The following WNK1 variants were observed in gnomAD, a reference collection of about 807,000 sequenced individuals.
WNK1 encodes WNK lysine deficient protein kinase 1.
In WNK1, 38 loss-of-function variants were observed where a neutral mutation model predicts 222.8. The ratio of observed to expected loss-of-function variants is 0.17; its 90% CI spans 0.13 to 0.22. The LOEUF (loss-of-function observed/expected upper bound fraction) is 0.22. Ranked by LOEUF, WNK1 falls within the 10% of genes least tolerant of loss-of-function variation. WNK1 has a pLI of 1.00. For missense variants in WNK1, 2,348 were observed against 2,918.4 expected (o/e 0.80, Z 4.50); for synonymous variants, 1,090 against 1,092.9 (o/e 1.00, Z 0.05).
chr12:844,822 T>C (rs1949900779), intron 4 of WNK1, among the ~76,000 whole-genome samples: 1 of 151,560 alleles, frequency 6.6e-6, no homozygotes, highest in Non-Finnish European at 1.5e-5. Context: ...GATAATATAA[T>C]TTATATAATT....
At chr12:817,771 G>A (rs1341058623) in intron 2 of WNK1, among the ~76,000 whole-genome samples, 1 of 152,008 alleles carries the variant, frequency 6.6e-6, no homozygotes, top group Admixed American at 6.6e-5. Context: ...GTCCAACATG[G>A]TGAAACCCCA....
intron 11 of WNK1, among the ~76,000 whole-genome samples, chr12:880,497 C>T (rs982105012): frequency 6.6e-6 from 1 of 152,064 alleles, no homozygotes; most frequent in African/African-American, 2.4e-5. Flanking sequence ...TGAAGATAAC[C>T]GACAATAAAG....
chr12:775,106 C>T (rs1253598197), intron 1 of WNK1, among the ~76,000 whole-genome samples: 1 of 151,854 alleles, frequency 6.6e-6, no homozygotes. Context: ...ATGGATTTAT[C>T]TTCATGGATA....
At chr12:893,063 TG>T (rs892665668) in intron 22 of WNK1, among the ~76,000 whole-genome samples, 1 of 152,126 alleles carries the variant, frequency 6.6e-6, no homozygotes, top group Non-Finnish European at 1.5e-5. Context: ...GAGACCAGCC[TG>T]GGCAATATAG....
At chr12:813,842 A>T (rs1431849795) in intron 2 of WNK1, 28 bp downstream of exon 2, 2 of 1,610,894 alleles carry the variant, frequency 1.2e-6, no homozygotes, top group Admixed American at 3.3e-5. Context: ...ACAAAAGCTG[A>T]CCAAGAAGTA....
At chr12:816,563 C>T (rs1247547527) in intron 2 of WNK1, among the ~76,000 whole-genome samples, 1 of 152,082 alleles carries the variant, frequency 6.6e-6, no homozygotes, top group Non-Finnish European at 1.5e-5. Context: ...GCTGGGATTA[C>T]AAGCATGAGC....
At chr12:870,508 C>T (rs1952051198) in intron 8 of WNK1, among the ~76,000 whole-genome samples, 1 of 152,110 alleles carries the variant, frequency 6.6e-6, no homozygotes, top group Non-Finnish European at 1.5e-5. Context: ...CGTTAACATA[C>T]CTATATATAG....
intron 23 of WNK1, 52 bp downstream of exon 23, chr12:894,687 TATATAATA>T (rs761374620): frequency 1.7e-5 from 27 of 1,543,078 alleles, no homozygotes; most frequent in Non-Finnish European, 2.2e-5. Context: ...AGGAGTTGTC[TATATAATA>T]AAATTACTGC....
chr12:851,481 G>A (rs1950416075), intron 4 of WNK1: 2 of 1,149,218 alleles, frequency 1.7e-6, no homozygotes, highest in Non-Finnish European at 2.2e-6. Flanking sequence ...CTGCTGTTGG[G>A]CATGCAGTTT....
chr12:823,900 C>CT (rs10543848), intron 2 of WNK1, among the ~76,000 whole-genome samples: 1,107 of 101,384 alleles, frequency 0.011, 14 homozygotes, highest in South Asian at 0.031. Context: ...TCAGAGACAT[C>CT]TTTTTTTTTT....
chr12:863,367 A>G (rs1181874839), intron 8 of WNK1, among the ~76,000 whole-genome samples: 2 of 152,178 alleles, frequency 1.3e-5, no homozygotes, highest in Admixed American at 1.3e-4. Flanking sequence ...AAAAACTAAT[A>G]TACTAACTTT....
intron 9 of WNK1, among the ~76,000 whole-genome samples, chr12:874,565 G>A (rs1352980754): frequency 1.3e-5 from 2 of 151,988 alleles, no homozygotes; most frequent in African/African-American, 4.8e-5. Flanking sequence ...AGATACTGAA[G>A]GTCTACCGAG....
Position 879,706 on chromosome 12 carries a change from TCCCTCAGTA to T in WNK1, c.2512_2520del (p.Gln838_Pro840del). Reference sequence around the variant, plus strand: ...GGACAGCCGCTCCCTACTCCCTTGCTCCCTCAGTACCCTGTCTCTCAGATTCCCATATCA... The same window carrying T: ...GGACAGCCGCTCCCTACTCCCTTGCTCCCTGTCTCTCAGATTCCCATATCA... On this transcript the variant is annotated inframe_deletion, in exon 11 of 28. Transcript: ENST00000315939. The T allele has an allele frequency of 6.2e-7, 1 of 1,613,980 alleles. No individual in the cohort carries two copies. Among genetic ancestry groups the T allele is most frequent in the Non-Finnish European group, 8.5e-7 (1 of 1,179,994 alleles).
At chr12:879,544 G>A in intron 10 of WNK1, 29 bp from the exon 11 acceptor site, 1 of 816,788 alleles carries the variant, frequency 1.2e-6, no homozygotes, top group Non-Finnish European at 1.8e-6. Context: ...TTTTAAGCCT[G>A]TCTGTTTTGT....
rs751262701 is a variant in WNK1 at position 753,571 on chromosome 12, T to G, written c.6T>G (p.Ser2=). 1.0e-4 allele frequency: 167 copies of G among 1,612,380 alleles called. No homozygotes were observed. The highest frequency in any genetic ancestry group is 1.4e-4 in the Non-Finnish European group (161 of 1,179,928). Residue 2 remains serine, a synonymous_variant, in exon 1 of 28, where the codon TCT becomes TCG. Coordinates refer to ENST00000315939, the MANE Select transcript of WNK1 (RefSeq NM_018979.4). The surrounding 1 kb of genome is among the most constrained non-coding windows in gnomAD (Gnocchi z 5.2). M[S]GGAAEKQSST... ...CTCTCTCCAGCGAACCGACCATGTC[T>G]GGCGGCGCCGCAGAGAAGCAGAGCA...
intron 2 of WNK1, 47 bp downstream of exon 2, chr12:813,861 T>A: frequency 2.8e-5 from 43 of 1,528,646 alleles, no homozygotes; most frequent in South Asian, 4.6e-5. Flanking sequence ...TATGAGAGAA[T>A]TTGATTTTTT....
chr12:895,563 A>G (rs1390565122), intron 23 of WNK1, among the ~76,000 whole-genome samples: 1 of 152,048 alleles, frequency 6.6e-6, no homozygotes, highest in East Asian at 1.9e-4. Context: ...GGTTTAAGTG[A>G]TTCTCCTGCC....
chr12:872,893 A>T (rs1339973007), intron 9 of WNK1, among the ~76,000 whole-genome samples: 2 of 152,238 alleles, frequency 1.3e-5, no homozygotes, highest in Non-Finnish European at 2.9e-5. Flanking sequence ...CTTTCTACAG[A>T]AACAGTTGAT....
At chr12:829,874 C>T (rs1044361407) in intron 3 of WNK1, 129 bp from the exon 4 acceptor site, 3 of 932,304 alleles carry the variant, frequency 3.2e-6, no homozygotes, top group African/African-American at 1.6e-5. Flanking sequence ...CCTCTTTTCT[C>T]CCCCTTTCCT....
Sources: gnomAD v4.1 joint callset for allele counts (sites outside exome capture counted in the v4.1 genomes callset) on GRCh38, gnomAD v4.1.1 for gene constraint, Gnocchi (gnomAD v3.1) non-coding constraint, MANE v1.5 for transcripts, NCBI Gene and HGNC (gene_info 2026-07-23, HGNC 2026-07-21) for gene names.